The following PTCH1 variants were observed in gnomAD, a reference collection of about 807,000 sequenced individuals.
The protein encoded by PTCH1 is patched 1.
PTCH1 carries 14 observed loss-of-function variants against 144.6 expected under a neutral mutation model. The ratio of observed to expected loss-of-function variants is 0.10; its 90% CI spans 0.06 to 0.15. The LOEUF is 0.15. Among genes scored for constraint, PTCH1 ranks in the 10% least tolerant of loss-of-function variants. The pLI is 1.00. For missense variants in PTCH1, 1,623 were observed against 1,948.3 expected (o/e 0.83, Z 3.14); for synonymous variants, 833 against 793.6 (o/e 1.05, Z -0.83).
intron 5 of PTCH1, among the ~76,000 whole-genome samples, chr9:95,480,832 A>G (rs1382450319): frequency 1.3e-5 from 2 of 152,240 alleles, no homozygotes; most frequent in Admixed American, 6.5e-5. Flanking sequence ...AGGGCACTGA[A>G]TAATCTTTAA....
chr9:95,495,754 G>C (rs1256042905), intron 2 of PTCH1, among the ~76,000 whole-genome samples: 1 of 146,510 alleles, frequency 6.8e-6, no homozygotes, highest in Non-Finnish European at 1.5e-5. Flanking sequence ...GGAATGGTGT[G>C]GGGGGTAAAA....
Position 95,449,740 on chromosome 9 carries a change from C to A in PTCH1, c.3549+101G>T. ...CTCTGAGATGTTTACTGAAGAACCA[C>A]CAGCAAGTGGGGAGGCACCTAAGTA... On this transcript the variant is annotated intron_variant, in intron 21 of 23. Transcript: ENST00000331920. This position sits in a 1 kb window ranked among gnomAD's most constrained non-coding sequence, Gnocchi z 5.3. 1 of 1,099,258 alleles carries A rather than the reference C, an allele frequency of 9.1e-7. No homozygotes were observed. Among genetic ancestry groups the A allele is most frequent in the South Asian group, 1.3e-5 (1 of 76,288 alleles). 68.1% of individuals were successfully genotyped at this position (1,099,258 alleles called of 1,614,324 possible). A position where few individuals can be genotyped will look rare whatever the true frequency, so the allele number is the denominator to read the frequency against.
intron 7 of PTCH1, among the ~76,000 whole-genome samples, chr9:95,479,537 A>C (rs1387541637): frequency 2.0e-5 from 3 of 152,220 alleles, no homozygotes; most frequent in Non-Finnish European, 4.4e-5. Context: ...ACGAAACGCC[A>C]GACACCTGAC....
Position 95,443,678 on chromosome 9 carries a change from T to C in PTCH1, c.*2715A>G, listed in dbSNP as rs1025649848. Reference sequence around the variant, plus strand: ...CATGTCTCAGCAAAGTTCCAGACATTATGGATTCATCACATATAAATTCTT... The same window carrying C: ...CATGTCTCAGCAAAGTTCCAGACATCATGGATTCATCACATATAAATTCTT... On this transcript the variant is annotated 3_prime_UTR_variant, in exon 24 of 24. Coordinates refer to ENST00000331920, the MANE Select transcript of PTCH1 (RefSeq NM_000264.5). 1.3e-5 allele frequency: 2 copies of C among 152,632 alleles called. No homozygotes were observed. The highest frequency in any genetic ancestry group is 6.5e-5 in the Admixed American group (1 of 15,290). The allele number at this position is 152,632 out of a possible 1,614,324, so 9.5% of individuals were successfully genotyped here.
intron 8 of PTCH1, 119 bp downstream of exon 8, chr9:95,478,881 G>A: frequency 6.7e-7 from 1 of 1,488,356 alleles, no homozygotes; most frequent in Non-Finnish European, 9.2e-7. Flanking sequence ...ATCCCATCAA[G>A]TTCCCAGAAT....
In PTCH1 at chr9:95,479,952, C is replaced by G. The variant is rs2118386072; in HGVS notation, c.1067+17G>C. 6.2e-7 allele frequency: 1 copy of G among 1,614,100 alleles called. No individual in the cohort carries two copies. Among genetic ancestry groups the G allele is most frequent in the East Asian group, 2.2e-5 (1 of 44,870 alleles). On this transcript the variant is annotated intron_variant, in intron 7 of 23. Transcript: ENST00000331920. The stretch of plus-strand genomic sequence containing the variant: ...AGAAGACTACAGGGCATAGATTGTC[C>G]TCGGGAGCTGGCTTACCTGACGAGT...
chr9:95,494,987 A>ACG (rs1842694532), intron 2 of PTCH1: 1 of 152,336 alleles, frequency 6.6e-6, no homozygotes, highest in African/African-American at 2.4e-5. Flanking sequence ...TTGAGCCGAC[A>ACG]TGGGGGAGAA....
At position 95,508,291 on chromosome 9, in the gene PTCH1, G is replaced by A. The variant is rs767973616; in HGVS notation, c.71C>T (p.Pro24Leu). The stretch of plus-strand genomic sequence containing the variant: ...CCTCCCGCCTCCAGCCGGCCGTCCC[G>A]GGGCACCGATACAGCCGCTGCCGCC... Reference protein sequence around the residue: ...GGGGSGCIGAPGRPAGGGRRR... With the variant: ...GGGGSGCIGALGRPAGGGRRR... Residue 24 changes from proline (P) to leucine (L), a missense_variant, in exon 1 of 24, where the codon CCG (proline) becomes CTG (leucine). By Grantham distance (98) the Pro-to-Leu change is moderately conservative. Coordinates refer to ENST00000331920, the MANE Select transcript of PTCH1 (RefSeq NM_000264.5). 5.2e-6 allele frequency: 8 copies of A among 1,530,578 alleles called. No individual in the cohort carries two copies. The African/African-American group carries it at 8.4e-5, about 16-fold the overall frequency. 94.8% of individuals were successfully genotyped at this position (1,530,578 alleles called of 1,614,324 possible).
At chr9:95,504,761 C>G (rs1394746042) in intron 2 of PTCH1, among the ~76,000 whole-genome samples, 3 of 152,160 alleles carry the variant, frequency 2.0e-5, no homozygotes, top group Admixed American at 6.5e-5. Context: ...CCCCCCACCC[C>G]CTACCACCCT....
At position 95,508,516 on chromosome 9, in the gene PTCH1, G is replaced by C. The variant is rs1843936211; in HGVS notation, c.-155C>G. ...GCTCGGGCTCGGGCTCCGGTTGACAGACCAGCCGCTGCTGCTGCTCACACG... is the reference window on the plus strand; with the variant it reads ...GCTCGGGCTCGGGCTCCGGTTGACACACCAGCCGCTGCTGCTGCTCACACG... On this transcript the variant is annotated 5_prime_UTR_variant, in exon 1 of 24. Transcript: ENST00000331920. 9.8e-7 allele frequency: 1 copy of C among 1,016,164 alleles called. No individual in the cohort carries two copies. Among genetic ancestry groups the C allele is most frequent in the Non-Finnish European group, 1.2e-6 (1 of 849,986 alleles). The allele number at this position is 1,016,164 out of a possible 1,614,324, so 62.9% of individuals were successfully genotyped here.
chr9:95,508,429 C>G lies in PTCH1; in HGVS notation c.-68G>C. The G allele has an allele frequency of 7.7e-6, 8 of 1,043,126 alleles. No homozygotes were observed. Among genetic ancestry groups the G allele is most frequent in the Non-Finnish European group, 9.2e-6 (8 of 869,036 alleles). The allele number at this position is 1,043,126 out of a possible 1,614,324, so 64.6% of individuals were successfully genotyped here. A position where few individuals can be genotyped will look rare whatever the true frequency, so the allele number is the denominator to read the frequency against. Reference sequence around the variant, plus strand: ...CGGGCGGCCCGGCGCGCTGCTGCCGCTGCTGCGGGCTCCTGGCGCGCCTGG... The same window carrying G: ...CGGGCGGCCCGGCGCGCTGCTGCCGGTGCTGCGGGCTCCTGGCGCGCCTGG... On this transcript the variant is annotated 5_prime_UTR_variant, in exon 1 of 24. Transcript: ENST00000331920.
chr9:95,477,016 C>T (rs969586908), intron 10 of PTCH1, among the ~76,000 whole-genome samples, 159 bp from the exon 11 acceptor site: 8 of 152,228 alleles, frequency 5.3e-5, no homozygotes, highest in African/African-American at 1.9e-4. Context: ...AAAGCCTAGC[C>T]ATTTCAGCTC....
intron 2 of PTCH1, among the ~76,000 whole-genome samples, chr9:95,503,068 A>ACC (rs1843268602): frequency 1.3e-5 from 2 of 152,152 alleles, no homozygotes; most frequent in Non-Finnish European, 2.9e-5. Flanking sequence ...AAAATCTCAT[A>ACC]CTTTCCTCTC....
At chr9:95,450,245 T>C (rs1838347506) in intron 20 of PTCH1, 1 of 418,172 alleles carries the variant, frequency 2.4e-6, no homozygotes, top group Non-Finnish European at 4.5e-6. Flanking sequence ...ATGAATGTGT[T>C]ACACAAACAC....
Position 95,495,903 on chromosome 9 carries a change from C to CGATT in PTCH1, c.395-10033_395-10030dup, listed in dbSNP as rs563195611. Among the ~76,000 whole-genome samples, 499 of 152,228 alleles carry CGATT rather than the reference C, an allele frequency of 3.3e-3. 3 individuals are homozygous for CGATT. The highest frequency in any genetic ancestry group is 6.2e-3 in the Non-Finnish European group (420 of 68,008). On this transcript the variant is annotated intron_variant, in intron 2 of 23. Transcript: ENST00000331920. ...CTGGACCCTGCATGAAGTACACACACGATTTCTACAGAAAGTAATGGGATT... is the reference window on the plus strand; with the variant it reads ...CTGGACCCTGCATGAAGTACACACACGATTGATTTCTACAGAAAGTAATGGGATT...
intron 22 of PTCH1, among the ~76,000 whole-genome samples, chr9:95,448,033 T>G (rs1242531022): frequency 6.6e-6 from 1 of 152,236 alleles, no homozygotes; most frequent in Non-Finnish European, 1.5e-5. Flanking sequence ...TTTTCGTCAC[T>G]GCGGAGGGCT....
intron 1 of PTCH1, chr9:95,507,917 C>CACAG (rs1843845916): frequency 7.9e-6 from 11 of 1,391,668 alleles, no homozygotes; most frequent in Non-Finnish European, 9.4e-6. Context: ...CACACACACA[C>CACAG]ACGCACACAC....
chr9:95,507,541 G>A (rs530498420), intron 1 of PTCH1: 1 of 710,846 alleles, frequency 1.4e-6, no homozygotes, highest in South Asian at 6.3e-5. Context: ...CAGGCCCTAA[G>A]GAGAGGCGGC....
At chr9:95,453,806 C>T (rs963703860) in intron 19 of PTCH1, among the ~76,000 whole-genome samples, 186 bp from the exon 20 acceptor site, 38 of 152,228 alleles carry the variant, frequency 2.5e-4, no homozygotes, top group African/African-American at 8.7e-4. Flanking sequence ...CTTCATGACA[C>T]TGGGTCATAT....
Sources: allele counts gnomAD v4.1 joint callset (sites outside exome capture counted in the v4.1 genomes callset), GRCh38; gene constraint gnomAD v4.1.1; non-coding constraint Gnocchi (gnomAD v3.1); transcripts MANE v1.5; gene names NCBI Gene and HGNC (gene_info 2026-07-23, HGNC 2026-07-21).